Variants in ZNF516 observed in about 807,000 individuals in gnomAD.
ZNF516 encodes zinc finger protein 516.
ZNF516 carries 19 observed loss-of-function variants against 79.7 expected under a neutral mutation model. That is an observed-to-expected ratio of 0.24 (90% CI 0.17 to 0.35). ZNF516 has a LOEUF of 0.35. ZNF516 is among the 10% of genes least tolerant of loss of function. The pLI is 1.00. For synonymous variants in ZNF516, 877 were observed against 739.5 expected, an observed-to-expected ratio of 1.19 and a Z score of -3.02; for missense variants, 1,678 against 1,679.5, an observed-to-expected ratio of 1.00 and a Z score of 0.02.
intron 2 of ZNF516, among the ~76,000 whole-genome samples, chr18:76,446,684 C>T (rs1207339197): frequency 6.6e-6 from 1 of 152,226 alleles, no homozygotes; most frequent in African/African-American, 2.4e-5. Flanking sequence ...CAGAGCCCTG[C>T]AATTTACAGG....
chr18:76,467,966 G>A lies in ZNF516; in HGVS notation c.-271-4825C>T, dbSNP rs114386035. ...AGCCTTGCAAGCAAAGAGTAGCTGC[G>A]GCGCATTCCAGACCTCCCTACGGAC... On this transcript the variant is annotated intron_variant, in intron 1 of 6. Transcript: ENST00000443185. The surrounding 1 kb of genome is among the most constrained non-coding windows in gnomAD (Gnocchi z 4.2). Among the ~76,000 whole-genome samples the A allele has an allele frequency of 2.0e-3, 298 of 152,248 alleles. 1 individual carries two copies. The highest frequency in any genetic ancestry group is 6.5e-3 in the African/African-American group (269 of 41,524).
chr18:76,377,055 C>T (rs1052862685), intron 4 of ZNF516, among the ~76,000 whole-genome samples: 1 of 152,252 alleles, frequency 6.6e-6, no homozygotes, highest in Non-Finnish European at 1.5e-5. Flanking sequence ...AAATAATCTA[C>T]GTGACTGAGA....
chr18:76,435,146 A>G (rs1161591981), intron 3 of ZNF516, among the ~76,000 whole-genome samples: 6 of 151,184 alleles, frequency 4.0e-5, no homozygotes, highest in Admixed American at 6.6e-5. Flanking sequence ...AAAGAGAGAG[A>G]GAAGATAAGT....
At chr18:76,384,928 C>T (rs1014203163) in intron 3 of ZNF516, among the ~76,000 whole-genome samples, 26 of 152,224 alleles carry the variant, frequency 1.7e-4, no homozygotes, top group African/African-American at 3.6e-4. Context: ...TAACCCTGAC[C>T]GCAGTGCCGA....
At chr18:76,450,912 A>G (rs1421424669) in intron 2 of ZNF516, among the ~76,000 whole-genome samples, 2 of 152,164 alleles carry the variant, frequency 1.3e-5, no homozygotes, top group Non-Finnish European at 2.9e-5. Flanking sequence ...ATTTCCCTAC[A>G]ACTACCGAAG....
chr18:76,477,766 C>T (rs1047972335), intron 1 of ZNF516, among the ~76,000 whole-genome samples: 2 of 151,884 alleles, frequency 1.3e-5, no homozygotes, highest in Non-Finnish European at 2.9e-5. Context: ...ACAAACAACA[C>T]AAAAAAACCT....
At chr18:76,390,796 G>A (rs976309188) in intron 3 of ZNF516, among the ~76,000 whole-genome samples, 30 of 152,168 alleles carry the variant, frequency 2.0e-4, no homozygotes, top group Admixed American at 2.6e-4. Flanking sequence ...GACACTTTCC[G>A]GGTTCACTGG....
chr18:76,465,344 T>C (rs1472450346), intron 1 of ZNF516, among the ~76,000 whole-genome samples: 1 of 152,156 alleles, frequency 6.6e-6, no homozygotes, highest in Non-Finnish European at 1.5e-5. Context: ...GATCTTACTC[T>C]TCGACAGCAG....
Position 76,442,618 on chromosome 18 carries a change from G to A in ZNF516, c.437C>T (p.Ala146Val). Reference protein sequence around the residue: ...GARVLNGASQADSGRVLLRSS... With the variant: ...GARVLNGASQVDSGRVLLRSS... ...CCGCAGCAGGACTCTGCCGCTGTCG[G>A]CCTGCGAGGCCCCGTTCAGGACCCT... The change falls in exon 3 of 7, where the codon GCC becomes GTC. Residue 146 changes from alanine (A) to valine (V), a missense_variant. By Grantham distance (64) the Ala-to-Val change is moderately conservative (BLOSUM62 0). This residue lies in a region of ZNF516 where 279 missense variants were observed against 254.1 expected (regional missense o/e 1.10). Transcript: ENST00000443185. The A allele has an allele frequency of 6.3e-7, 1 of 1,596,220 alleles. No individual in the cohort carries two copies.
chr18:76,479,813 G>A (rs55784476), intron 1 of ZNF516, among the ~76,000 whole-genome samples: 10,145 of 152,282 alleles, frequency 0.067, 427 homozygotes, highest in Non-Finnish European at 0.095. Context: ...CCGAAGAGAC[G>A]CCTCCCCTCC....
At chr18:76,421,703 T>C (rs1237009832) in intron 3 of ZNF516, among the ~76,000 whole-genome samples, 3 of 152,244 alleles carry the variant, frequency 2.0e-5, no homozygotes, top group African/African-American at 7.2e-5. Context: ...GTTTCACTAT[T>C]ACAGAGGGCA....
chr18:76,472,984 A>G (rs1913933578), intron 1 of ZNF516, among the ~76,000 whole-genome samples: 1 of 152,240 alleles, frequency 6.6e-6, no homozygotes, highest in Non-Finnish European at 1.5e-5. Context: ...AGATGGGGAA[A>G]GAAGAGGAAG....
intron 3 of ZNF516, among the ~76,000 whole-genome samples, chr18:76,409,506 G>T (rs1185844721): frequency 6.6e-6 from 1 of 152,144 alleles, no homozygotes; most frequent in Admixed American, 6.5e-5. Flanking sequence ...TGCAAAAAAA[G>T]AAAACAAGCA....
At chr18:76,367,027 T>C (rs1247312613) in intron 6 of ZNF516, among the ~76,000 whole-genome samples, 1 of 152,206 alleles carries the variant, frequency 6.6e-6, no homozygotes, top group Non-Finnish European at 1.5e-5. Flanking sequence ...TATAAACCCG[T>C]ATCTTCGCCT....
intron 1 of ZNF516, among the ~76,000 whole-genome samples, chr18:76,472,076 C>T (rs1207881960): frequency 6.6e-6 from 1 of 152,214 alleles, no homozygotes; most frequent in Non-Finnish European, 1.5e-5. Flanking sequence ...TAGCCCAGAG[C>T]TCCATCCTCT....
chr18:76,403,499 T>C (rs940745484), intron 3 of ZNF516, among the ~76,000 whole-genome samples: 1 of 152,160 alleles, frequency 6.6e-6, no homozygotes, highest in Non-Finnish European at 1.5e-5. Flanking sequence ...CACAAGAGAA[T>C]CGCAGTGTGG....
rs1368407324 is a variant in ZNF516, at chr18:76,443,070, G to C, written c.-16C>G. The C allele has an allele frequency of 1.3e-6, 2 of 1,561,910 alleles. No homozygotes were observed. Among genetic ancestry groups the C allele is most frequent in the Non-Finnish European group, 1.7e-6 (2 of 1,160,798 alleles). ...TGCGATCCATCCGAAGGACGGGCGC[G>C]GCCGGTGGTGGCGGCACAGCTTTCT... On this transcript the variant is annotated 5_prime_UTR_variant, in exon 3 of 7. Transcript: ENST00000443185.
rs1913580156 is a variant in ZNF516 at position 76,467,801 on chromosome 18, C to G, written c.-271-4660G>C. Among the ~76,000 whole-genome samples, 1 of 152,178 alleles carries G rather than the reference C, an allele frequency of 6.6e-6. No individual in the cohort carries two copies. Among genetic ancestry groups the G allele is most frequent in the South Asian group, 2.1e-4 (1 of 4,832 alleles). On this transcript the variant is annotated intron_variant, in intron 1 of 6. Coordinates refer to ENST00000443185, the MANE Select transcript of ZNF516 (RefSeq NM_014643.4). This position sits in a 1 kb window ranked among gnomAD's most constrained non-coding sequence, Gnocchi z 4.2. The stretch of plus-strand genomic sequence containing the variant: ...CGTTCGATTCCTGAGTTATTTTTAC[C>G]AAATAAATTCAAGTCCAGTTATCGA...
At position 76,442,779 on chromosome 18, in the gene ZNF516, T is replaced by C; in HGVS notation, c.276A>G (p.Gly92=). 6.2e-7 allele frequency: 1 copy of C among 1,603,532 alleles called. No homozygotes were observed. The highest frequency in any genetic ancestry group is 8.5e-7 in the Non-Finnish European group (1 of 1,175,094). The change falls in exon 3 of 7, where the codon GGA becomes GGG. Residue 92 remains glycine (G), a synonymous_variant. Transcript: ENST00000443185. Reference sequence around the variant, plus strand: ...GCGCCTCGCCCGCCTCCGGCTCGTGTCCCTGAATCAGAGTCCCCGTGCGGT... The same window carrying C: ...GCGCCTCGCCCGCCTCCGGCTCGTGCCCCTGAATCAGAGTCCCCGTGCGGT... The part of the protein sequence containing the change: ...RSHRTGTLIQ[G]HEPEAGEAPL...
Sources: gnomAD v4.1 joint callset for allele counts (sites outside exome capture counted in the v4.1 genomes callset) on GRCh38, gnomAD v4.1.1 for gene constraint, gnomAD v4.1.1 regional missense constraint, Gnocchi (gnomAD v3.1) non-coding constraint, MANE v1.5 for transcripts, NCBI Gene and HGNC (gene_info 2026-07-23, HGNC 2026-07-21) for gene names.